The following BEND5 variants were observed in gnomAD, a reference collection of about 807,000 sequenced individuals.
The protein encoded by BEND5 is BEN domain-containing protein 5.
In BEND5, 22 loss-of-function variants were observed where a neutral mutation model predicts 43.9. That is an observed-to-expected ratio of 0.50 (90% CI 0.36 to 0.72). The LOEUF (loss-of-function observed/expected upper bound fraction) is 0.72, where lower values mean the gene tolerates loss of function less well. BEND5 is among the 30% of genes least tolerant of loss of function. The pLI, the probability that BEND5 is intolerant of heterozygous loss-of-function variation, is 0.00. For missense variants in BEND5, 428 were observed against 550.6 expected (o/e 0.78, Z 2.23); for synonymous variants, 228 against 225.9 (o/e 1.01, Z -0.08).
chr1:48,727,803 G>A lies in BEND5; in HGVS notation c.*83C>T. On this transcript the variant is annotated 3_prime_UTR_variant, in exon 6 of 6. Coordinates refer to ENST00000371833, the MANE Select transcript of BEND5 (RefSeq NM_024603.4). ...CTGCACACACACCACCATGCACGGT[G>A]GGGTCTGATTTGGACGGCACCATCG... 5 of 1,348,334 alleles carry A rather than the reference G, an allele frequency of 3.7e-6. No individual in the cohort carries two copies. The highest frequency in any genetic ancestry group is 4.2e-6 in the Non-Finnish European group (4 of 962,820). The allele number at this position is 1,348,334 out of a possible 1,614,324, so 83.5% of individuals were successfully genotyped here. A position where few individuals can be genotyped will look rare whatever the true frequency, so the allele number is the denominator to read the frequency against.
chr1:48,758,605 C>T (rs1644074782), intron 3 of BEND5, among the ~76,000 whole-genome samples: 2 of 152,196 alleles, frequency 1.3e-5, no homozygotes, highest in Non-Finnish European at 2.9e-5. Flanking sequence ...CTGTTACTGC[C>T]TCCTGCTGAA....
chr1:48,739,898 C>T (rs1453845095), intron 4 of BEND5, among the ~76,000 whole-genome samples: 2 of 152,216 alleles, frequency 1.3e-5, no homozygotes, highest in Non-Finnish European at 2.9e-5. Context: ...TAAGTTCTAT[C>T]CTTTATGAAT....
intron 3 of BEND5, among the ~76,000 whole-genome samples, chr1:48,752,468 G>A (rs1651898995): frequency 6.6e-6 from 1 of 152,198 alleles, no homozygotes; most frequent in South Asian, 2.1e-4. Context: ...TTGAAATCAA[G>A]TCCAGGCATG....
At chr1:48,732,450 A>C (rs1648293081) in intron 5 of BEND5, among the ~76,000 whole-genome samples, 1 of 152,172 alleles carries the variant, frequency 6.6e-6, no homozygotes, top group Non-Finnish European at 1.5e-5. Flanking sequence ...ATTCTAATGG[A>C]AGTGGGAGAA....
intron 4 of BEND5, among the ~76,000 whole-genome samples, chr1:48,739,767 T>G (rs1403081757): frequency 6.6e-6 from 1 of 152,232 alleles, no homozygotes; most frequent in Non-Finnish European, 1.5e-5. Context: ...CCCCTCCCCA[T>G]GTTTCCGCTC....
At chr1:48,729,848 A>C (rs1162903557) in intron 5 of BEND5, among the ~76,000 whole-genome samples, 1 of 151,990 alleles carries the variant, frequency 6.6e-6, no homozygotes, top group African/African-American at 2.4e-5. Flanking sequence ...ACTATTCCCA[A>C]GCCTGACTAA....
chr1:48,764,757 G>C (rs1452858797), intron 1 of BEND5, among the ~76,000 whole-genome samples: 6 of 152,196 alleles, frequency 3.9e-5, no homozygotes, highest in Non-Finnish European at 7.3e-5. Flanking sequence ...TAGAAATGGA[G>C]ATACAATATC....
At chr1:48,730,473 T>C (rs1175947200) in intron 5 of BEND5, among the ~76,000 whole-genome samples, 4 of 152,058 alleles carry the variant, frequency 2.6e-5, no homozygotes, top group Admixed American at 6.5e-5. Flanking sequence ...GTCTGCAAGG[T>C]AATAATGGCA....
rs1128934 is a variant in BEND5 at position 48,758,912 on chromosome 1, G to T, written c.733C>A (p.Arg245=). Residue 245 remains arginine, a synonymous_variant, in exon 3 of 6, where the codon CGG becomes AGG. Transcript: ENST00000371833. ...NRRLQDVLLL[R]LGSGPAIDLE... is the part of the protein sequence containing the mutation. ...CTGGGGCACTCACCGCTGCCAAGCCGCAGGAGCAGCACGTCCTGGAGCCTC... is the reference window on the plus strand; with the variant it reads ...CTGGGGCACTCACCGCTGCCAAGCCTCAGGAGCAGCACGTCCTGGAGCCTC... The T allele has an allele frequency of 0.86, 1,307,427 of 1,525,660 alleles. 567,197 individuals carry two copies. The highest frequency in any genetic ancestry group is 0.9 in the Non-Finnish European group (1,024,901 of 1,139,856). The allele number at this position is 1,525,660 out of a possible 1,614,324, so 94.5% of individuals were successfully genotyped here.
At position 48,736,088 on chromosome 1, in the gene BEND5, T is replaced by C; in HGVS notation, c.1108+151A>G. 1 of 781,834 alleles carries C rather than the reference T, an allele frequency of 1.3e-6. No individual in the cohort carries two copies. Among genetic ancestry groups the C allele is most frequent in the Non-Finnish European group, 2.1e-6 (1 of 478,138 alleles). 48.4% of individuals were successfully genotyped at this position (781,834 alleles called of 1,614,324 possible). A position where few individuals can be genotyped will look rare whatever the true frequency, so the allele number is the denominator to read the frequency against. On this transcript the variant is annotated intron_variant, in intron 5 of 5. Coordinates refer to ENST00000371833, the MANE Select transcript of BEND5 (RefSeq NM_024603.4). The surrounding 1 kb of genome is among the most constrained non-coding windows in gnomAD (Gnocchi z 4.0). The stretch of plus-strand genomic sequence containing the variant: ...GGTAAATGTGAGCTCTTCTGGGGCA[T>C]TTGGGTTATCCGCTTGGTGTCCCCG...
rs777325753 is a variant in BEND5, at chr1:48,759,150, T to C, written c.495A>G (p.Pro165=). The C allele has an allele frequency of 2.1e-5, 34 of 1,614,026 alleles. No homozygotes were observed. Among genetic ancestry groups the C allele is most frequent in the Non-Finnish European group, 2.8e-5 (33 of 1,179,998 alleles). Reference sequence around the variant, plus strand: ...CTAGACTGTCCATGTCCTCTGTGCCTGGCGAGGCCTCCACGAAGACCTCTT... The same window carrying C: ...CTAGACTGTCCATGTCCTCTGTGCCCGGCGAGGCCTCCACGAAGACCTCTT... ...CPEEVFVEAS[P]GTEDMDSLED... The change falls in exon 3 of 6, where the codon CCA becomes CCG. Residue 165 remains proline (P), a synonymous_variant. Transcript: ENST00000371833.
At chr1:48,763,188 G>T (rs925106048) in intron 1 of BEND5, among the ~76,000 whole-genome samples, 1 of 152,148 alleles carries the variant, frequency 6.6e-6, no homozygotes, top group African/African-American at 2.4e-5. Context: ...AAAAAAAGAG[G>T]TGGTCTTTGT....
At chr1:48,747,360 G>A (rs1195537415) in intron 3 of BEND5, among the ~76,000 whole-genome samples, 1 of 152,144 alleles carries the variant, frequency 6.6e-6, no homozygotes, top group African/African-American at 2.4e-5. Flanking sequence ...GGTAAAGGAA[G>A]CTTTTAAAAA....
chr1:48,748,575 G>A (rs1004558960), intron 3 of BEND5, among the ~76,000 whole-genome samples: 2 of 152,150 alleles, frequency 1.3e-5, no homozygotes, highest in Non-Finnish European at 2.9e-5. Context: ...TTCTGTGTTG[G>A]GGCTTGGAGG....
chr1:48,754,732 T>C (rs1452802187), intron 3 of BEND5, among the ~76,000 whole-genome samples: 1 of 152,146 alleles, frequency 6.6e-6, no homozygotes, highest in Non-Finnish European at 1.5e-5. Context: ...TTGTTTACCA[T>C]GCTAAGATCA....
intron 1 of BEND5, among the ~76,000 whole-genome samples, chr1:48,771,010 C>A (rs967633297): frequency 6.6e-6 from 1 of 152,112 alleles, no homozygotes; most frequent in Non-Finnish European, 1.5e-5. Flanking sequence ...TTGGGTAAAA[C>A]AAAAATCTCT....
At chr1:48,764,594 C>T (rs945006331) in intron 1 of BEND5, among the ~76,000 whole-genome samples, 1 of 152,074 alleles carries the variant, frequency 6.6e-6, no homozygotes, top group Non-Finnish European at 1.5e-5. Context: ...AAATAAGTGG[C>T]CTTGAATGCC....
At chr1:48,750,842 C>T (rs187846496) in intron 3 of BEND5, among the ~76,000 whole-genome samples, 6 of 152,200 alleles carry the variant, frequency 3.9e-5, no homozygotes, top group Admixed American at 3.3e-4. Context: ...GGAGGCTAGA[C>T]GAGGTGAACT....
chr1:48,773,214 G>C (rs2148700004), intron 1 of BEND5, among the ~76,000 whole-genome samples: 1 of 152,102 alleles, frequency 6.6e-6, no homozygotes, highest in Admixed American at 6.5e-5. Context: ...TAAAATTTTA[G>C]GGCTCTAGGC....
Sources: allele counts gnomAD v4.1 joint callset (sites outside exome capture counted in the v4.1 genomes callset), GRCh38; gene constraint gnomAD v4.1.1; non-coding constraint Gnocchi (gnomAD v3.1); transcripts MANE v1.5; gene names NCBI Gene and HGNC (gene_info 2026-07-23, HGNC 2026-07-21).